The following CDH13 variants were observed in gnomAD, a reference collection of about 807,000 sequenced individuals.
The protein encoded by CDH13 is cadherin-13.
A neutral mutation model predicts 63.8 loss-of-function variants in CDH13; 24 were observed. That is an observed-to-expected ratio of 0.38 (90% CI 0.27 to 0.53). The LOEUF is 0.53. Ranked by LOEUF, CDH13 falls within the 20% of genes least tolerant of loss-of-function variation. The pLI is 0.85. For synonymous variants in CDH13, 503 were observed against 355.3 expected (o/e 1.42, Z -4.67); for missense variants, 1,049 against 903.1 (o/e 1.16, Z -2.07).
chr16:82,928,193 C>T (rs1007334421), intron 2 of CDH13, among the ~76,000 whole-genome samples: 5 of 141,724 alleles, frequency 3.5e-5, no homozygotes, highest in South Asian at 2.4e-4. Flanking sequence ...TGTGTGTATG[C>T]GTGTGTAATC....
chr16:83,094,281 A>G (rs756634362), intron 3 of CDH13, among the ~76,000 whole-genome samples: 1 of 152,194 alleles, frequency 6.6e-6, no homozygotes, highest in East Asian at 1.9e-4. Flanking sequence ...CAATGGGGTT[A>G]CTGGGAAAGC....
intron 7 of CDH13, among the ~76,000 whole-genome samples, chr16:83,590,427 C>T (rs1906620214): frequency 6.6e-6 from 1 of 152,014 alleles, no homozygotes; most frequent in South Asian, 2.1e-4. Flanking sequence ...TCCCAGGGGC[C>T]GGCTGGAGAT....
intron 1 of CDH13, among the ~76,000 whole-genome samples, chr16:82,812,184 C>G (rs1319096608): frequency 6.6e-6 from 1 of 152,148 alleles, no homozygotes; most frequent in East Asian, 1.9e-4. Flanking sequence ...GCAGATGGCC[C>G]CTCTTCGAAG....
intron 7 of CDH13, among the ~76,000 whole-genome samples, chr16:83,599,856 G>T (rs2150747411): frequency 6.6e-6 from 1 of 152,292 alleles, no homozygotes; most frequent in East Asian, 1.9e-4. Context: ...CGTTATGCAA[G>T]AAATTAGACC....
chr16:83,250,678 GTTT>G (rs1905419576), intron 5 of CDH13, among the ~76,000 whole-genome samples: 6 of 152,164 alleles, frequency 3.9e-5, no homozygotes, highest in South Asian at 4.1e-4. Flanking sequence ...AGATAGGATT[GTTT>G]AGTGAATAAA....
chr16:83,340,685 A>G (rs1488735524), intron 5 of CDH13, among the ~76,000 whole-genome samples: 2 of 152,188 alleles, frequency 1.3e-5, no homozygotes, highest in Admixed American at 6.5e-5. Flanking sequence ...GGGGATGCCA[A>G]TGCTGCTGGC....
chr16:83,003,824 A>T (rs1283333979), intron 2 of CDH13, among the ~76,000 whole-genome samples: 1 of 152,186 alleles, frequency 6.6e-6, no homozygotes, highest in Non-Finnish European at 1.5e-5. Flanking sequence ...TAACCAGTGT[A>T]CTCCATACCC....
At chr16:83,015,724 A>ATATATATATATAT (rs1555562946) in intron 2 of CDH13, among the ~76,000 whole-genome samples, 4 of 49,116 alleles carry the variant, frequency 8.1e-5, no homozygotes, top group Non-Finnish European at 1.4e-4. Flanking sequence ...TATATATATA[A>ATATATATATATAT]AGAAAAAGCA....
At chr16:83,026,488 G>C (rs150898392) in intron 2 of CDH13, among the ~76,000 whole-genome samples, 13 of 150,732 alleles carry the variant, frequency 8.6e-5, no homozygotes, top group African/African-American at 2.4e-4. Context: ...AAATAGGTTC[G>C]AGGGTGGGGG....
intron 7 of CDH13, among the ~76,000 whole-genome samples, chr16:83,488,053 G>T (rs1483497590): frequency 6.6e-6 from 1 of 152,198 alleles, no homozygotes; most frequent in Non-Finnish European, 1.5e-5. Flanking sequence ...GTCTAGACCT[G>T]AATTGTCCAG....
chr16:83,331,131 G>A (rs926628843), intron 5 of CDH13, among the ~76,000 whole-genome samples: 4 of 152,114 alleles, frequency 2.6e-5, no homozygotes, highest in Non-Finnish European at 5.9e-5. Context: ...GATAAGGGAC[G>A]GACTTGGGCC....
At chr16:83,532,157 G>A (rs983443684) in intron 7 of CDH13, among the ~76,000 whole-genome samples, 1 of 152,138 alleles carries the variant, frequency 6.6e-6, no homozygotes, top group Non-Finnish European at 1.5e-5. Context: ...CCATGATTGT[G>A]AAGCCTCCTC....
chr16:82,915,821 A>G (rs2041970084), intron 2 of CDH13, among the ~76,000 whole-genome samples: 1 of 150,208 alleles, frequency 6.7e-6, no homozygotes, highest in Non-Finnish European at 1.5e-5. Context: ...ACCCTCTACA[A>G]AATAGGCATG....
intron 7 of CDH13, among the ~76,000 whole-genome samples, chr16:83,527,246 G>A (rs983422720): frequency 1.1e-4 from 16 of 152,070 alleles, no homozygotes; most frequent in Non-Finnish European, 2.4e-4. Flanking sequence ...TCGGGAGATG[G>A]AGACCATCCT....
At chr16:83,011,808 T>A (rs1334853496) in intron 2 of CDH13, among the ~76,000 whole-genome samples, 1 of 152,228 alleles carries the variant, frequency 6.6e-6, no homozygotes, top group African/African-American at 2.4e-5. Flanking sequence ...ACCCAGCAAG[T>A]GTTCAGTTCA....
At chr16:83,119,419 G>A (rs556286431) in intron 3 of CDH13, among the ~76,000 whole-genome samples, 5 of 152,136 alleles carry the variant, frequency 3.3e-5, no homozygotes, top group African/African-American at 7.2e-5. Flanking sequence ...GCTCCTCAAC[G>A]TCAACAGGTC....
chr16:83,548,122 G>T (rs1467005711), intron 7 of CDH13, among the ~76,000 whole-genome samples: 1 of 152,108 alleles, frequency 6.6e-6, no homozygotes, highest in East Asian at 1.9e-4. Flanking sequence ...CTAGCCAAGA[G>T]CAGGTGTCCA....
At chr16:83,171,695 C>A in intron 4 of CDH13, 1 of 752,884 alleles carries the variant, frequency 1.3e-6, no homozygotes, top group Non-Finnish European at 2.3e-6. Flanking sequence ...GGCAGGCACG[C>A]CTCTCCCATT....
chr16:82,694,148 A>G (rs573851654), intron 1 of CDH13, among the ~76,000 whole-genome samples: 5 of 152,360 alleles, frequency 3.3e-5, no homozygotes, highest in South Asian at 2.1e-4. Context: ...ATTCACTTGC[A>G]TATAGAGCTA....
Sources: gnomAD v4.1 joint callset for allele counts (sites outside exome capture counted in the v4.1 genomes callset) on GRCh38, gnomAD v4.1.1 for gene constraint, MANE v1.5 for transcripts, NCBI Gene and HGNC (gene_info 2026-07-23, HGNC 2026-07-21) for gene names.